Variants in PCDHA6 observed in about 807,000 individuals in gnomAD.
The protein encoded by PCDHA6 is protocadherin alpha 6.
In PCDHA6, 55 loss-of-function variants were observed where a neutral mutation model predicts 60.3. The ratio of observed to expected loss-of-function variants is 0.91; its 90% CI spans 0.73 to 1.14. The LOEUF is 1.14. Among genes scored for constraint, PCDHA6 ranks in the 50% most tolerant of loss-of-function variants. The pLI is 0.00. For synonymous variants in PCDHA6, 652 were observed against 557.9 expected (o/e 1.17, Z -2.38); for missense variants, 1,327 against 1,256.5 (o/e 1.06, Z -0.85).
intron 1 of PCDHA6, among the ~76,000 whole-genome samples, chr5:140,938,097 A>AT (rs775272450): frequency 6.6e-6 from 1 of 151,930 alleles, no homozygotes; most frequent in Non-Finnish European, 1.5e-5. Flanking sequence ...TTATTATTGT[A>AT]TTTTTTACTT....
rs1554138767 is a variant in PCDHA6, at chr5:140,842,067, T to C, written c.2394+11582T>C. On this transcript the variant is annotated intron_variant, in intron 1 of 3. Coordinates refer to ENST00000529310, the MANE Select transcript of PCDHA6 (RefSeq NM_018909.4). ...ACTTTCGAACAGTCTGAATACGAAG[T>C]AAGAATATTCGAAAACGCAGACAAC... 5.6e-6 allele frequency: 9 copies of C among 1,613,874 alleles called. No individual in the cohort carries two copies. The South Asian group carries it at 9.9e-5, about 18-fold the overall frequency.
At chr5:140,925,989 G>A (rs2082853255) in intron 1 of PCDHA6, among the ~76,000 whole-genome samples, 1 of 152,212 alleles carries the variant, frequency 6.6e-6, no homozygotes, top group East Asian at 1.9e-4. Context: ...GAGCTCGCTG[G>A]CTCCGCTGCC....
intron 1 of PCDHA6, chr5:140,857,742 TG>T (rs1562528366): frequency 1.3e-6 from 2 of 1,597,278 alleles, no homozygotes; most frequent in African/African-American, 2.7e-5. Context: ...CCCGCGCTGC[TG>T]GCGTCTCCCG....
intron 3 of PCDHA6, among the ~76,000 whole-genome samples, chr5:141,005,774 G>A (rs2098239231): frequency 1.4e-5 from 2 of 144,252 alleles, no homozygotes; most frequent in Non-Finnish European, 3.0e-5. Flanking sequence ...AACCAGATGT[G>A]TAAAGATCCT....
chr5:140,992,363 G>T (rs1028043863), intron 3 of PCDHA6, among the ~76,000 whole-genome samples: 2 of 152,136 alleles, frequency 1.3e-5, no homozygotes, highest in Non-Finnish European at 2.9e-5. Context: ...GAGAAAAATG[G>T]TTCCCATTAC....
chr5:140,947,585 G>C (rs773594834), intron 1 of PCDHA6, among the ~76,000 whole-genome samples: 5 of 151,544 alleles, frequency 3.3e-5, no homozygotes, highest in Non-Finnish European at 3.0e-5. Context: ...TTAACATTTA[G>C]ATCAATTTAG....
rs529065220 is a variant in PCDHA6, at chr5:140,930,291, C to T, written c.2395-48658C>T. On this transcript the variant is annotated intron_variant, in intron 1 of 3. Transcript: ENST00000529310. ...TATTTTAGGGGACAAATACACTTAA[C>T]AAATAAGTAAATATCATATTTGAGA... The T allele has an allele frequency of 2.6e-5, 4 of 152,208 alleles. No homozygotes were observed. The South Asian group carries it at 8.3e-4, about 32-fold the overall frequency. 9.4% of individuals were successfully genotyped at this position (152,208 alleles called of 1,614,324 possible). A position where few individuals can be genotyped will look rare whatever the true frequency, so the allele number is the denominator to read the frequency against.
intron 1 of PCDHA6, chr5:140,929,005 A>G: frequency 6.2e-7 from 1 of 1,614,062 alleles, no homozygotes; most frequent in Non-Finnish European, 8.5e-7. Context: ...CTTCGTGTGT[A>G]CCAAGTTGCA....
chr5:140,882,779 C>G (rs1554175579), intron 1 of PCDHA6: 2 of 1,614,168 alleles, frequency 1.2e-6, no homozygotes, highest in Non-Finnish European at 8.5e-7. Context: ...ATTGACCTAC[C>G]GACTGGATCC....
At chr5:140,872,804 A>G (rs918819226) in intron 1 of PCDHA6, among the ~76,000 whole-genome samples, 1 of 152,170 alleles carries the variant, frequency 6.6e-6, no homozygotes, top group Admixed American at 6.5e-5. Flanking sequence ...ATTCTTCCAT[A>G]AGTTTTTCAG....
chr5:140,955,975 A>G (rs2095244010), intron 1 of PCDHA6, among the ~76,000 whole-genome samples: 1 of 152,112 alleles, frequency 6.6e-6, no homozygotes, highest in Admixed American at 6.6e-5. Flanking sequence ...TAGGAATGCT[A>G]GCAATTTTTG....
Position 140,877,016 on chromosome 5 carries a change from G to T in PCDHA6, c.2394+46531G>T, listed in dbSNP as rs781790454. The T allele has an allele frequency of 4.7e-5, 76 of 1,612,480 alleles. No individual in the cohort carries two copies. The highest frequency in any genetic ancestry group is 4.0e-4 in the Middle Eastern group (2 of 5,052). The stretch of plus-strand genomic sequence containing the variant: ...TACGTGTCGGTGCACGCGGAGAGCG[G>T]CAAGGTGTACGCGCTGCAGCCGCTA... On this transcript the variant is annotated intron_variant, in intron 1 of 3. Coordinates refer to ENST00000529310, the MANE Select transcript of PCDHA6 (RefSeq NM_018909.4).
chr5:141,010,381 T>C lies in PCDHA6; in HGVS notation c.*444T>C. On this transcript the variant is annotated 3_prime_UTR_variant, in exon 4 of 4. Transcript: ENST00000529310. ...ACCGCGGGTATGCGAGTGCCAGATA[T>C]TGGCTGAGACGAGCCAGCTTAGACT... 2.8e-6 allele frequency: 4 copies of C among 1,442,848 alleles called. No homozygotes were observed. The highest frequency in any genetic ancestry group is 2.8e-6 in the Non-Finnish European group (3 of 1,086,990). The allele number at this position is 1,442,848 out of a possible 1,614,324, so 89.4% of individuals were successfully genotyped here.
At chr5:141,006,033 G>A (rs1162099125) in intron 3 of PCDHA6, among the ~76,000 whole-genome samples, 1 of 151,252 alleles carries the variant, frequency 6.6e-6, no homozygotes, top group Non-Finnish European at 1.5e-5. Context: ...TAGTAAGAGG[G>A]AGATTTGTAG....
intron 1 of PCDHA6, among the ~76,000 whole-genome samples, chr5:140,891,762 G>C (rs554912268): frequency 1.5e-3 from 234 of 152,268 alleles, no homozygotes; most frequent in African/African-American, 4.9e-3. Context: ...GTTGGGAGGT[G>C]GGGAATTTCA....
At chr5:141,008,745 G>A (rs759690147) in intron 3 of PCDHA6, among the ~76,000 whole-genome samples, 5 of 152,200 alleles carry the variant, frequency 3.3e-5, no homozygotes, top group Non-Finnish European at 7.3e-5. Context: ...TGAGCACACT[G>A]AGGGAAGGAA....
chr5:140,869,224 C>T, intron 1 of PCDHA6: 1 of 1,613,836 alleles, frequency 6.2e-7, no homozygotes, highest in South Asian at 1.1e-5. Context: ...GGAGGCCAAA[C>T]ACGGCACCTT....
At chr5:140,969,908 T>C (rs1586401643) in intron 1 of PCDHA6, among the ~76,000 whole-genome samples, 4 of 152,184 alleles carry the variant, frequency 2.6e-5, no homozygotes, top group Non-Finnish European at 4.4e-5. Context: ...ATGTCACAAG[T>C]GATAAAGCTG....
Position 140,927,842 on chromosome 5 carries a change from T to C in PCDHA6, c.2395-51107T>C, listed in dbSNP as rs201721848. 1.9e-6 allele frequency: 3 copies of C among 1,614,140 alleles called. No individual in the cohort carries two copies. The African/African-American group carries it at 4.0e-5, about 22-fold the overall frequency. On this transcript the variant is annotated intron_variant, in intron 1 of 3. Transcript: ENST00000529310. ...TACATTGAGGCGAGGGACGAAGGTG[T>C]CTTTGGTTTAGCTAGCACCGCTAAA... is the stretch of plus-strand genomic sequence containing the variant.
Sources: allele counts gnomAD v4.1 joint callset (sites outside exome capture counted in the v4.1 genomes callset), GRCh38; gene constraint gnomAD v4.1.1; transcripts MANE v1.5; gene names NCBI Gene and HGNC (gene_info 2026-07-23, HGNC 2026-07-21).